The following GANC variants were observed in gnomAD, a reference collection of about 807,000 sequenced individuals.
GANC encodes the protein neutral alpha-glucosidase C.
Under a neutral mutation model 124.2 loss-of-function variants are expected in GANC, and 117 were observed. The ratio of observed to expected loss-of-function variants is 0.94; its 90% CI spans 0.81 to 1.10. The LOEUF is 1.10. Among genes scored for constraint, GANC ranks in the 50% least tolerant of loss-of-function variants. The probability of loss-of-function intolerance (pLI) is 0.00; values close to 1 mark genes in which losing one functional copy is unlikely to be tolerated. For missense variants in GANC, 1,140 were observed against 1,095.0 expected (o/e 1.04, Z -0.58); for synonymous variants, 377 against 376.8 (o/e 1.00, Z -0.01).
At chr15:42,301,060 G>C (rs980667716) in intron 6 of GANC, among the ~76,000 whole-genome samples, 2 of 151,746 alleles carry the variant, frequency 1.3e-5, no homozygotes, top group Non-Finnish European at 2.9e-5. Context: ...GTGGTATGCT[G>C]TGGCTGGCAA....
At chr15:42,333,778 T>C (rs1003745809) in intron 15 of GANC, among the ~76,000 whole-genome samples, 3 of 152,328 alleles carry the variant, frequency 2.0e-5, no homozygotes, top group African/African-American at 7.2e-5. Context: ...GTTAAATAAA[T>C]GTTAATTATT....
chr15:42,319,911 T>G (rs2620372), intron 10 of GANC, among the ~76,000 whole-genome samples: 146,515 of 152,280 alleles, frequency 0.96, 70,680 homozygotes, highest in Non-Finnish European at 1. Context: ...GAGGCCAGAT[T>G]TGGTGGCTCA....
In GANC at chr15:42,352,063, G is replaced by C; in HGVS notation, c.2669G>C (p.Cys890Ser). The C allele has an allele frequency of 2.5e-6, 4 of 1,614,084 alleles. No homozygotes were observed. The highest frequency in any genetic ancestry group is 3.4e-6 in the Non-Finnish European group (4 of 1,179,986). The change falls in exon 24 of 24, where the codon TGT (cysteine) becomes TCT (serine). Residue 890 changes from cysteine to serine, a missense_variant. Cys to Ser is a moderately radical substitution (Grantham distance 112). Transcript: ENST00000318010. ...GKDQPVAFTY[C>S]AKTSILSLEK... ...GATCAGCCTGTGGCTTTTACGTATT[G>C]TGCCAAAACATCCATCCTGAGCCTG...
chr15:42,289,568 T>C (rs1352619436), intron 4 of GANC, among the ~76,000 whole-genome samples: 1 of 152,136 alleles, frequency 6.6e-6, no homozygotes, highest in Non-Finnish European at 1.5e-5. Flanking sequence ...CAGAGTTGTT[T>C]TTGTTTTCTA....
chr15:42,351,578 T>C, intron 23 of GANC, 146 bp downstream of exon 23: 1 of 609,168 alleles, frequency 1.6e-6, no homozygotes, highest in Non-Finnish European at 2.9e-6. Flanking sequence ...GTCTGTAGAA[T>C]AAATGAGGCC....
At chr15:42,300,687 T>C (rs1331366278) in intron 6 of GANC, among the ~76,000 whole-genome samples, 2 of 152,084 alleles carry the variant, frequency 1.3e-5, no homozygotes, top group Admixed American at 1.3e-4. Flanking sequence ...AGCAAAGACA[T>C]GAAACCAACC....
At chr15:42,333,327 C>CAA (rs566805443) in intron 15 of GANC, among the ~76,000 whole-genome samples, 7 of 138,300 alleles carry the variant, frequency 5.1e-5, no homozygotes, top group Admixed American at 2.2e-4. Context: ...AACTCCATCT[C>CAA]AAAAAAAAAA....
chr15:42,302,641 A>G (rs2051957262), intron 6 of GANC, among the ~76,000 whole-genome samples: 1 of 152,190 alleles, frequency 6.6e-6, no homozygotes, highest in African/African-American at 2.4e-5. Context: ...TAGAATAACC[A>G]GTTTAGAGAA....
intron 5 of GANC, among the ~76,000 whole-genome samples, chr15:42,296,402 T>G (rs1415967253): frequency 6.6e-6 from 1 of 152,156 alleles, no homozygotes; most frequent in Non-Finnish European, 1.5e-5. Flanking sequence ...TTGTATTGTT[T>G]TAAGACGGAA....
At chr15:42,315,801 GA>G (rs1420896419) in intron 10 of GANC, among the ~76,000 whole-genome samples, 3 of 152,024 alleles carry the variant, frequency 2.0e-5, no homozygotes, top group Non-Finnish European at 2.9e-5. Flanking sequence ...AAGGCCTGGA[GA>G]AAAAGACTAA....
At position 42,353,028 on chromosome 15, in the gene GANC, A is replaced by T; in HGVS notation, c.*889A>T. ...TAAAAATCAGAATTAATGCAAAAAA[A>T]ACCATGATGAACAAAATATTAAAAT... On this transcript the variant is annotated 3_prime_UTR_variant, in exon 24 of 24. Transcript: ENST00000318010. The T allele has an allele frequency of 1.2e-6, 1 of 820,000 alleles. No individual in the cohort carries two copies. Among genetic ancestry groups the T allele is most frequent in the Non-Finnish European group, 1.5e-6 (1 of 678,930 alleles). 50.8% of individuals were successfully genotyped at this position (820,000 alleles called of 1,614,324 possible).
chr15:42,348,029 G>T, intron 20 of GANC, 74 bp from the exon 21 acceptor site: 1 of 863,444 alleles, frequency 1.2e-6, no homozygotes, highest in South Asian at 1.9e-5. Flanking sequence ...TTTATAAAAT[G>T]AAATATTTTT....
intron 6 of GANC, among the ~76,000 whole-genome samples, chr15:42,305,144 G>A (rs572063829): frequency 2.1e-4 from 32 of 152,242 alleles, no homozygotes; most frequent in Admixed American, 4.6e-4. Context: ...TCTGCACAGC[G>A]AAAGAAACTA....
chr15:42,326,216 C>A, intron 11 of GANC, 82 bp from the exon 12 acceptor site: 1 of 989,846 alleles, frequency 1.0e-6, no homozygotes, highest in Non-Finnish European at 1.5e-6. Context: ...AAATTGAACC[C>A]CCAAACTATG....
In GANC at chr15:42,340,711, T is replaced by C; in HGVS notation, c.2109T>C (p.Pro703=). 1 of 1,607,614 alleles carries C rather than the reference T, an allele frequency of 6.2e-7. No homozygotes were observed. The highest frequency in any genetic ancestry group is 8.5e-7 in the Non-Finnish European group (1 of 1,178,816). Residue 703 remains proline, a synonymous_variant, in exon 18 of 24, where the codon CCT becomes CCC. Transcript: ENST00000318010. ...PVMRPLWVEF[P]DELKTFDMED... ...CCAGGCCTCTGTGGGTAGAGTTCCC[T>C]GATGAACTAAAGACTTTTGATATGG... is the stretch of plus-strand genomic sequence containing the variant.
At chr15:42,302,002 C>T (rs1340973563) in intron 6 of GANC, among the ~76,000 whole-genome samples, 3 of 152,232 alleles carry the variant, frequency 2.0e-5, no homozygotes, top group Non-Finnish European at 2.9e-5. Flanking sequence ...TCGAGCTCTG[C>T]TAAGGGACAG....
At chr15:42,306,106 A>T (rs2051993104) in intron 6 of GANC, among the ~76,000 whole-genome samples, 2 of 150,796 alleles carry the variant, frequency 1.3e-5, no homozygotes, top group African/African-American at 4.9e-5. Context: ...GGCTCACTGC[A>T]ACCTCCGCCT....
intron 11 of GANC, among the ~76,000 whole-genome samples, chr15:42,324,656 G>T (rs2052184595): frequency 6.6e-6 from 1 of 152,138 alleles, no homozygotes; most frequent in Non-Finnish European, 1.5e-5. Flanking sequence ...CAGCATGGAT[G>T]AACCTTGAGG....
rs1377492169 is a variant in GANC, at chr15:42,292,936, T to C, written c.512+19T>C. On this transcript the variant is annotated intron_variant, in intron 5 of 23. Transcript: ENST00000318010. ...AACAAAGGTATTCTTATGCATTACT[T>C]GACACATAAAGACCTTAACATAACC... 57 of 1,608,548 alleles carry C rather than the reference T, an allele frequency of 3.5e-5. No homozygotes were observed. The highest frequency in any genetic ancestry group is 4.8e-5 in the Non-Finnish European group (57 of 1,175,434).
Sources: allele counts gnomAD v4.1 joint callset (sites outside exome capture counted in the v4.1 genomes callset), GRCh38; gene constraint gnomAD v4.1.1; transcripts MANE v1.5; gene names NCBI Gene and HGNC (gene_info 2026-07-23, HGNC 2026-07-21).